The following LAMA2 variants were observed in gnomAD, a reference collection of about 807,000 sequenced individuals.
The protein encoded by LAMA2 is laminin subunit alpha 2, also known as laminin subunit alpha-2.
A neutral mutation model predicts 364.8 loss-of-function variants in LAMA2; 269 were observed. The ratio of observed to expected loss-of-function variants is 0.74; its 90% CI spans 0.67 to 0.82. The LOEUF is 0.82. Ranked by LOEUF, LAMA2 falls within the 40% of genes least tolerant of loss-of-function variation. The pLI is 0.00. For missense variants in LAMA2, 3,807 were observed against 3,873.2 expected, an observed-to-expected ratio of 0.98 and a Z score of 0.45; for synonymous variants, 1,379 against 1,370.6, an observed-to-expected ratio of 1.01 and a Z score of -0.14.
rs1782145749 is a variant in LAMA2 at position 129,442,096 on chromosome 6, C to T, written c.6269-967C>T. 4.6e-6 allele frequency: 3 copies of T among 656,698 alleles called. No homozygotes were observed. The African/African-American group carries it at 5.7e-5, about 13-fold the overall frequency. 40.7% of individuals were successfully genotyped at this position (656,698 alleles called of 1,614,324 possible). On this transcript the variant is annotated intron_variant, in intron 43 of 64. Transcript: ENST00000421865. ...GAGACTAGCCCTCTTTATATGCCAA[C>T]ATTTTTGGGGGGGTATCAAAATATT...
At chr6:128,938,477 T>C (rs1037432880) in intron 1 of LAMA2, among the ~76,000 whole-genome samples, 1 of 152,170 alleles carries the variant, frequency 6.6e-6, no homozygotes, top group Non-Finnish European at 1.5e-5. Context: ...GGAGTTAGTT[T>C]CAGCCACCAG....
chr6:129,209,796 G>A lies in LAMA2; in HGVS notation c.1782+16943G>A, dbSNP rs1197807638. Among the ~76,000 whole-genome samples, 15 of 152,074 alleles carry A rather than the reference G, an allele frequency of 9.9e-5. No individual in the cohort carries two copies. In the East Asian group the frequency reaches 2.3e-3, roughly 24 times the overall value. On this transcript the variant is annotated intron_variant, in intron 12 of 64. Transcript: ENST00000421865. The stretch of plus-strand genomic sequence containing the variant: ...AGGCGGGCGGATAACGAGGTCAGGA[G>A]ATCGAGACCATCCTGGCTAACACGA...
chr6:129,314,656 T>A lies in LAMA2; in HGVS notation c.3413T>A (p.Val1138Glu). 6.2e-7 allele frequency: 1 copy of A among 1,613,460 alleles called. No homozygotes were observed. The highest frequency in any genetic ancestry group is 8.5e-7 in the Non-Finnish European group (1 of 1,179,964). ...TGAGGGTCTCTTGTCTTTCCTCAGG[T>A]GAATGTGGAAGGCATCCACTGTGAC... ...SDQTGQCTCK[V>E]NVEGIHCDRC... Residue 1138 changes from valine (V) to glutamate (E), a missense_variant and splice_region_variant, in exon 24 of 65, where the codon GTG (valine) becomes GAG (glutamate). Coordinates refer to ENST00000421865, the MANE Select transcript of LAMA2 (RefSeq NM_000426.4).
chr6:129,015,678 A>G (rs1785024244), intron 1 of LAMA2, among the ~76,000 whole-genome samples: 1 of 152,064 alleles, frequency 6.6e-6, no homozygotes, highest in South Asian at 2.1e-4. Flanking sequence ...CATTGTTCCT[A>G]AACAAAGAAT....
intron 1 of LAMA2, among the ~76,000 whole-genome samples, chr6:129,022,371 C>T (rs1205641380): frequency 1.3e-5 from 2 of 152,060 alleles, no homozygotes; most frequent in Non-Finnish European, 2.9e-5. Flanking sequence ...ATTCATGAAA[C>T]TCGGGAGAAA....
intron 12 of LAMA2, among the ~76,000 whole-genome samples, chr6:129,232,744 T>C (rs976762893): frequency 6.6e-6 from 1 of 152,104 alleles, no homozygotes; most frequent in African/African-American, 2.4e-5. Context: ...CAAATGTGAC[T>C]AAGTTTAAGA....
chr6:129,508,234 TTTTAA>T (rs67873079), intron 62 of LAMA2, among the ~76,000 whole-genome samples: 94,300 of 151,530 alleles, frequency 0.62, 30,205 homozygotes, highest in Non-Finnish European at 0.7. Flanking sequence ...ATCCTTTAAT[TTTTAA>T]TTTTTGTGGG....
intron 4 of LAMA2, among the ~76,000 whole-genome samples, chr6:129,130,504 T>C (rs1777405354): frequency 6.6e-6 from 1 of 152,224 alleles, no homozygotes. Flanking sequence ...TGTGTCTTTA[T>C]TTGCACCTTA....
intron 56 of LAMA2, chr6:129,490,805 T>G (rs1583872354): frequency 1.3e-5 from 2 of 152,152 alleles, no homozygotes; most frequent in African/African-American, 4.8e-5. Flanking sequence ...AGTATGTCAT[T>G]TCCCCCTATT....
At chr6:129,244,874 C>T (rs1376539740) in intron 12 of LAMA2, among the ~76,000 whole-genome samples, 1 of 152,122 alleles carries the variant, frequency 6.6e-6, no homozygotes, top group African/African-American at 2.4e-5. Flanking sequence ...ACCATGCACA[C>T]TGTATTGTTA....
chr6:128,951,031 G>A (rs1397180184), intron 1 of LAMA2, among the ~76,000 whole-genome samples: 2 of 152,058 alleles, frequency 1.3e-5, no homozygotes, highest in African/African-American at 4.8e-5. Flanking sequence ...ATAGAGAAGG[G>A]GAGGAAGGAT....
At chr6:128,968,363 A>G (rs1406874670) in intron 1 of LAMA2, among the ~76,000 whole-genome samples, 3 of 152,352 alleles carry the variant, frequency 2.0e-5, no homozygotes, top group South Asian at 4.1e-4. Flanking sequence ...CAATGGGAAA[A>G]CAGGAGTAAA....
chr6:129,019,849 T>C (rs1237199526), intron 1 of LAMA2, among the ~76,000 whole-genome samples: 2 of 152,148 alleles, frequency 1.3e-5, no homozygotes, highest in Non-Finnish European at 2.9e-5. Flanking sequence ...TCTGTGAGGC[T>C]GAGGCAGGCA....
chr6:129,304,020 T>G (rs1023085863), intron 22 of LAMA2, among the ~76,000 whole-genome samples: 6 of 152,048 alleles, frequency 3.9e-5, no homozygotes, highest in African/African-American at 1.4e-4. Context: ...GCTCACTATT[T>G]GAAAAGATCA....
chr6:129,252,395 G>A (rs954599885), intron 14 of LAMA2, 100 bp downstream of exon 14: 130 of 835,240 alleles, frequency 1.6e-4, no homozygotes, highest in South Asian at 1.4e-3. Context: ...CCTAGGATTT[G>A]CTGTCTTCAA....
chr6:128,905,589 T>A (rs145833142), intron 1 of LAMA2: 293 of 152,144 alleles, frequency 1.9e-3, no homozygotes, highest in African/African-American at 6.9e-3. Context: ...AGGTATAATT[T>A]CTTTTTTGTT....
chr6:129,313,625 T>C (rs1217543983), intron 23 of LAMA2, among the ~76,000 whole-genome samples: 5 of 152,202 alleles, frequency 3.3e-5, no homozygotes, highest in Non-Finnish European at 7.3e-5. Context: ...ATTAATATGG[T>C]TAAATGATGT....
intron 64 of LAMA2, among the ~76,000 whole-genome samples, chr6:129,515,922 C>G (rs1006159697): frequency 4.6e-5 from 7 of 151,962 alleles, no homozygotes; most frequent in Non-Finnish European, 1.5e-5. Context: ...GGGAGGATCG[C>G]TTGAGCCCAG....
intron 40 of LAMA2, among the ~76,000 whole-genome samples, chr6:129,407,588 C>T (rs1780311277): frequency 6.6e-6 from 1 of 152,188 alleles, no homozygotes; most frequent in South Asian, 2.1e-4. Context: ...CAATTACAGT[C>T]TTCATTTCTG....
Sources: allele counts gnomAD v4.1 joint callset (sites outside exome capture counted in the v4.1 genomes callset), GRCh38; gene constraint gnomAD v4.1.1; transcripts MANE v1.5; gene names NCBI Gene and HGNC (gene_info 2026-07-23, HGNC 2026-07-21).